Variants in PIK3CB observed in about 807,000 individuals in gnomAD.
PIK3CB encodes phosphatidylinositol 4,5-bisphosphate 3-kinase catalytic subunit beta isoform.
In PIK3CB, 39 loss-of-function variants were observed where a neutral mutation model predicts 136.8. The observed-to-expected ratio is 0.29, with a 90% CI of 0.22 to 0.37. The LOEUF (loss-of-function observed/expected upper bound fraction) is 0.37. Ranked by LOEUF, PIK3CB falls within the 10% of genes least tolerant of loss-of-function variation. The probability of loss-of-function intolerance (pLI) is 1.00; values close to 1 mark genes in which losing one functional copy is unlikely to be tolerated. For missense variants in PIK3CB, 868 were observed against 1,275.4 expected, an observed-to-expected ratio of 0.68 and a Z score of 4.87; for synonymous variants, 428 against 436.6, an observed-to-expected ratio of 0.98 and a Z score of 0.25.
At chr3:138,833,627 C>T (rs1157692876) in intron 1 of PIK3CB, among the ~76,000 whole-genome samples, 2 of 152,194 alleles carry the variant, frequency 1.3e-5, no homozygotes, top group African/African-American at 2.4e-5. Flanking sequence ...ATTATCATGA[C>T]TTCACCAGAC....
chr3:138,707,645 T>A (rs1052151035), intron 10 of PIK3CB: 2 of 677,466 alleles, frequency 3.0e-6, no homozygotes, highest in Admixed American at 1.2e-4. Context: ...TATGGACTTC[T>A]TAATCACATG....
chr3:138,789,823 TG>T (rs1412807196), intron 2 of PIK3CB, among the ~76,000 whole-genome samples: 1 of 151,308 alleles, frequency 6.6e-6, no homozygotes, highest in Non-Finnish European at 1.5e-5. Flanking sequence ...CCCGAGTAGG[TG>T]GGACTGCAGA....
chr3:138,826,018 T>C lies in PIK3CB; in HGVS notation c.-122+8677A>G, dbSNP rs1348904796. Reference sequence around the variant, plus strand: ...GCCAAATCAGTGCTGGCTATGCCACTGTACTGGATTGTCACACAGCTTACA... The same window carrying C: ...GCCAAATCAGTGCTGGCTATGCCACCGTACTGGATTGTCACACAGCTTACA... On this transcript the variant is annotated intron_variant, in intron 1 of 23. Transcript: ENST00000674063. 10 of 1,412,138 alleles carry C rather than the reference T, an allele frequency of 7.1e-6. 1 individual carries two copies. The East Asian group carries it at 1.1e-4, about 16-fold the overall frequency. The allele number at this position is 1,412,138 out of a possible 1,614,324, so 87.5% of individuals were successfully genotyped here.
chr3:138,799,341 C>T (rs1045875996), intron 1 of PIK3CB, among the ~76,000 whole-genome samples: 3 of 151,882 alleles, frequency 2.0e-5, no homozygotes, highest in Admixed American at 6.6e-5. Context: ...CCACATCTGG[C>T]TATTTTTTTT....
At chr3:138,693,990 ATATT>A in intron 14 of PIK3CB, among the ~76,000 whole-genome samples, 1 of 115,454 alleles carries the variant, frequency 8.7e-6, no homozygotes, top group African/African-American at 3.5e-5. Context: ...ATATATATAT[ATATT>A]TTAAACCCAT....
chr3:138,691,083 A>G lies in PIK3CB; in HGVS notation c.1953T>C (p.Phe651=), dbSNP rs754775116. ...GGAATCTAGAGAGGGCACAATCAAG[A>G]AAAGGCTCATATTTTAACACTTGCA... The part of the protein sequence containing the change: ...QLVQVLKYEP[F]LDCALSRFLL... The change falls in exon 15 of 24, where the codon TTT becomes TTC. Residue 651 remains phenylalanine, a synonymous_variant. Coordinates refer to ENST00000674063, the MANE Select transcript of PIK3CB (RefSeq NM_006219.3). 3 of 1,612,618 alleles carry G rather than the reference A, an allele frequency of 1.9e-6. No individual in the cohort carries two copies. The highest frequency in any genetic ancestry group is 3.3e-5 in the Admixed American group (2 of 60,022).
intron 8 of PIK3CB, 54 bp downstream of exon 8, chr3:138,733,307 G>T: frequency 2.6e-6 from 2 of 756,162 alleles, no homozygotes; most frequent in South Asian, 3.3e-5. Flanking sequence ...GCATATCAGT[G>T]AGTTATTCAA....
intron 2 of PIK3CB, among the ~76,000 whole-genome samples, chr3:138,776,946 A>T (rs960703372): frequency 6.6e-6 from 1 of 151,470 alleles, no homozygotes; most frequent in African/African-American, 2.4e-5. Context: ...AAAAAAAAGA[A>T]TCTAAATAAT....
In PIK3CB at chr3:138,734,623, A is replaced by C; in HGVS notation, c.972+11T>G. ...TTTTGGGGTTACTAAAGGTTCAGAA[A>C]TAAAACTTACAGAAATAATTCGTGT... On this transcript the variant is annotated intron_variant, in intron 7 of 23. Coordinates refer to ENST00000674063, the MANE Select transcript of PIK3CB (RefSeq NM_006219.3). 6.3e-7 allele frequency: 1 copy of C among 1,594,836 alleles called. No homozygotes were observed. The highest frequency in any genetic ancestry group is 8.6e-7 in the Non-Finnish European group (1 of 1,166,496).
chr3:138,707,410 A>T (rs986566923), intron 10 of PIK3CB, 121 bp from the exon 11 acceptor site: 1 of 1,393,068 alleles, frequency 7.2e-7, no homozygotes, highest in Non-Finnish European at 9.3e-7. Flanking sequence ...CAGAAGTGTG[A>T]CAGACAATTC....
At chr3:138,832,415 G>C (rs995680091) in intron 1 of PIK3CB, among the ~76,000 whole-genome samples, 1 of 152,092 alleles carries the variant, frequency 6.6e-6, no homozygotes, top group Non-Finnish European at 1.5e-5. Flanking sequence ...CTTTCGGCCG[G>C]TCGCGGTGGT....
chr3:138,784,259 A>C (rs1477321568), intron 2 of PIK3CB, among the ~76,000 whole-genome samples: 1 of 152,050 alleles, frequency 6.6e-6, no homozygotes, highest in Non-Finnish European at 1.5e-5. Flanking sequence ...AGTGGCATGC[A>C]CCTGTAATTC....
chr3:138,746,184 T>C (rs1287858324), intron 4 of PIK3CB, among the ~76,000 whole-genome samples: 1 of 151,846 alleles, frequency 6.6e-6, no homozygotes, highest in Non-Finnish European at 1.5e-5. Context: ...AGGGCAAGGA[T>C]ACAGCCTGGG....
At chr3:138,677,361 C>T (rs1331674947) in intron 19 of PIK3CB, among the ~76,000 whole-genome samples, 1 of 152,052 alleles carries the variant, frequency 6.6e-6, no homozygotes, top group Non-Finnish European at 1.5e-5. Context: ...CCCAGCCTTA[C>T]TCAAGATTGA....
chr3:138,669,897 T>C (rs532991547), intron 19 of PIK3CB, among the ~76,000 whole-genome samples: 1 of 151,986 alleles, frequency 6.6e-6, no homozygotes, highest in African/African-American at 2.4e-5. Context: ...AATAGAAACA[T>C]TGGAGCACAT....
chr3:138,702,597 C>G (rs2044278972), intron 12 of PIK3CB, among the ~76,000 whole-genome samples: 1 of 152,128 alleles, frequency 6.6e-6, no homozygotes, highest in African/African-American at 2.4e-5. Flanking sequence ...TGAACCAAGA[C>G]CTGCCTGTGT....
intron 3 of PIK3CB, among the ~76,000 whole-genome samples, chr3:138,756,642 T>C (rs1696853790): frequency 6.6e-6 from 1 of 152,142 alleles, no homozygotes; most frequent in African/African-American, 2.4e-5. Context: ...GCATATTTTG[T>C]TAACAGCCAG....
chr3:138,772,449 T>C (rs1330680217), intron 2 of PIK3CB, among the ~76,000 whole-genome samples: 1 of 151,922 alleles, frequency 6.6e-6, no homozygotes, highest in East Asian at 1.9e-4. Context: ...TTTTAAAAAT[T>C]ATTTTATTTT....
chr3:138,739,695 G>A (rs1248756463), intron 5 of PIK3CB, among the ~76,000 whole-genome samples: 1 of 150,678 alleles, frequency 6.6e-6, no homozygotes, highest in Non-Finnish European at 1.5e-5. Flanking sequence ...AAGCTCAGGA[G>A]CTCAAGACCA....
Sources: allele counts gnomAD v4.1 joint callset (sites outside exome capture counted in the v4.1 genomes callset), GRCh38; gene constraint gnomAD v4.1.1; transcripts MANE v1.5; gene names NCBI Gene and HGNC (gene_info 2026-07-23, HGNC 2026-07-21).